DDX31: variants seen among roughly 807,000 people sequenced by gnomAD.
The protein encoded by DDX31 is ATP-dependent DNA helicase DDX31.
DDX31 carries 70 observed loss-of-function variants against 91.3 expected under a neutral mutation model. That is an observed-to-expected ratio of 0.77 (90% confidence interval 0.63 to 0.94). The LOEUF (loss-of-function observed/expected upper bound fraction) is 0.94, where lower values mean the gene tolerates loss of function less well. Among genes scored for constraint, DDX31 ranks in the 40% least tolerant of loss-of-function variants. DDX31 has a pLI of 0.00. For missense variants in DDX31, 902 were observed against 925.0 expected (o/e 0.98, Z 0.32); for synonymous variants, 362 against 350.6 (o/e 1.03, Z -0.36).
intron 1 of DDX31, among the ~76,000 whole-genome samples, chr9:132,666,149 C>A (rs1415405806): frequency 6.6e-6 from 1 of 152,126 alleles, no homozygotes; most frequent in African/African-American, 2.4e-5. Context: ...CCAATTGTTC[C>A]AGTGCCACTT....
In DDX31 at chr9:132,595,039, T is replaced by A; in HGVS notation, c.2068A>T (p.Met690Leu). ...EILRSEYSSG[M>L]EADIAKVKKQ... ...TTGACCTTGGCGATGTCGGCCTCCATGCCGCTTGAGTATTCCGAACGTAGG... is the reference window on the plus strand; with the variant it reads ...TTGACCTTGGCGATGTCGGCCTCCAAGCCGCTTGAGTATTCCGAACGTAGG... Residue 690 changes from methionine to leucine, a missense_variant, in exon 20 of 20, where the codon ATG becomes TTG. Met to Leu is a conservative substitution (Grantham distance 15). Transcript: ENST00000372159. This position sits in a 1 kb window ranked among gnomAD's most constrained non-coding sequence, Gnocchi z 4.6. 3 of 1,614,254 alleles carry A rather than the reference T, an allele frequency of 1.9e-6. No individual in the cohort carries two copies. The highest frequency in any genetic ancestry group is 2.2e-5 in the South Asian group (2 of 91,088).
At chr9:132,646,710 T>C in intron 12 of DDX31, 113 bp downstream of exon 12, 1 of 970,372 alleles carries the variant, frequency 1.0e-6, no homozygotes, top group Non-Finnish European at 1.6e-6. Context: ...AATGCAGACA[T>C]AAGTTGGAAA....
In DDX31 at chr9:132,669,972, G is replaced by A. The variant is rs759104246; in HGVS notation, c.-38C>T. 1.9e-6 allele frequency: 3 copies of A among 1,577,128 alleles called. No homozygotes were observed. Among genetic ancestry groups the A allele is most frequent in the East Asian group, 2.3e-5 (1 of 42,676 alleles). ...TGACGCGTGGTGCAGCAGCGAGCCCGGTGCGCAGACTGCTGGGCCCGGGAC... is the reference window on the plus strand; with the variant it reads ...TGACGCGTGGTGCAGCAGCGAGCCCAGTGCGCAGACTGCTGGGCCCGGGAC... On this transcript the variant is annotated 5_prime_UTR_variant, in exon 1 of 20. Transcript: ENST00000372159.
At chr9:132,597,300 C>T (rs957363999) in intron 19 of DDX31, among the ~76,000 whole-genome samples, 1 of 152,078 alleles carries the variant, frequency 6.6e-6, no homozygotes, top group Admixed American at 6.6e-5. Context: ...TGGGAAGTGG[C>T]GGGAGACAGG....
At chr9:132,619,620 A>G (rs1387936763) in intron 17 of DDX31, among the ~76,000 whole-genome samples, 2 of 152,210 alleles carry the variant, frequency 1.3e-5, no homozygotes, top group Admixed American at 1.3e-4. Flanking sequence ...TAGTTTAGTC[A>G]AATCATTCCT....
chr9:132,630,392 T>C lies in DDX31; in HGVS notation c.1503A>G (p.Pro501=). Residue 501 remains proline (P), a synonymous_variant, in exon 16 of 20, where the codon CCA becomes CCG. Coordinates refer to ENST00000372159, the MANE Select transcript of DDX31 (RefSeq NM_022779.9). ...GGTGGATGTATTCTGCAGGTGAAGA[T>C]GGAGCGTTGTACTAAAAAGGGTAAC... ...QVTWIVQYNA[P]SSPAEYIHRI... The C allele has an allele frequency of 6.3e-7, 1 of 1,593,226 alleles. No homozygotes were observed. The highest frequency in any genetic ancestry group is 8.6e-7 in the Non-Finnish European group (1 of 1,163,336).
intron 18 of DDX31, 177 bp from the exon 19 acceptor site, chr9:132,612,432 C>A: frequency 4.3e-5 from 27 of 623,254 alleles, no homozygotes; most frequent in East Asian, 6.3e-5. Context: ...TCTTCAATTC[C>A]TAAACAACAA....
intron 19 of DDX31, among the ~76,000 whole-genome samples, chr9:132,597,231 G>A (rs1039181640): frequency 1.3e-5 from 2 of 152,162 alleles, no homozygotes; most frequent in Non-Finnish European, 2.9e-5. Flanking sequence ...CGCCCAGTGC[G>A]GACCATGTGC....
chr9:132,660,029 T>TA (rs1431281596), intron 4 of DDX31, among the ~76,000 whole-genome samples: 20 of 152,154 alleles, frequency 1.3e-4, no homozygotes, highest in Admixed American at 1.3e-3. Flanking sequence ...TCTATTAAAC[T>TA]AATTCTTTTA....
At chr9:132,610,463 C>A (rs1284762488) in intron 19 of DDX31, among the ~76,000 whole-genome samples, 1 of 152,110 alleles carries the variant, frequency 6.6e-6, no homozygotes, top group African/African-American at 2.4e-5. Context: ...TTAAAAATTC[C>A]AAAACTGGGA....
chr9:132,634,585 G>GTTTT (rs59296842), intron 14 of DDX31, among the ~76,000 whole-genome samples: 1,378 of 103,022 alleles, frequency 0.013, 31 homozygotes, highest in East Asian at 0.026. Context: ...TACCTAAGAT[G>GTTTT]TTTTTTTTTT....
At chr9:132,621,864 G>C (rs932007230) in intron 17 of DDX31, among the ~76,000 whole-genome samples, 1 of 151,896 alleles carries the variant, frequency 6.6e-6, no homozygotes, top group South Asian at 2.1e-4. Flanking sequence ...TTTTTCCTCT[G>C]AATTCAAGTT....
intron 18 of DDX31, 87 bp downstream of exon 18, chr9:132,618,243 C>T (rs938247214): frequency 8.7e-7 from 1 of 1,148,854 alleles, no homozygotes; most frequent in Non-Finnish European, 1.2e-6. Context: ...GTTGGCCTCT[C>T]AACCGGTTTG....
chr9:132,628,986 C>T (rs77330394), intron 16 of DDX31, among the ~76,000 whole-genome samples: 7,235 of 152,310 alleles, frequency 0.048, 243 homozygotes, highest in South Asian at 0.077. Context: ...AAACTGGCTG[C>T]GCCAGCGGGC....
At chr9:132,635,506 C>CTGGA (rs1165054690) in intron 14 of DDX31, among the ~76,000 whole-genome samples, 3 of 141,352 alleles carry the variant, frequency 2.1e-5, no homozygotes, top group African/African-American at 8.0e-5. Context: ...GTCGCCCAGG[C>CTGGA]TGGAGTGCAG....
chr9:132,604,359 A>T (rs1830889869), intron 19 of DDX31, among the ~76,000 whole-genome samples: 1 of 152,162 alleles, frequency 6.6e-6, no homozygotes, highest in Admixed American at 6.5e-5. Flanking sequence ...TAAAGACACG[A>T]TCCAGCATGG....
intron 18 of DDX31, among the ~76,000 whole-genome samples, chr9:132,614,875 C>G (rs899418778): frequency 6.6e-6 from 1 of 152,164 alleles, no homozygotes; most frequent in African/African-American, 2.4e-5. Flanking sequence ...TCACCGGGGA[C>G]AGCGACAGTT....
chr9:132,656,946 G>T (rs1194672622), intron 6 of DDX31, among the ~76,000 whole-genome samples: 1 of 151,998 alleles, frequency 6.6e-6, no homozygotes, highest in Non-Finnish European at 1.5e-5. Context: ...ACTTAATAGG[G>T]GGAAAAAAAT....
At chr9:132,604,498 G>C (rs969541824) in intron 19 of DDX31, among the ~76,000 whole-genome samples, 1 of 152,054 alleles carries the variant, frequency 6.6e-6, no homozygotes, top group Non-Finnish European at 1.5e-5. Flanking sequence ...TTTAAACTAC[G>C]GATATATTCA....
Sources: gnomAD v4.1 joint callset for allele counts (sites outside exome capture counted in the v4.1 genomes callset) on GRCh38, gnomAD v4.1.1 for gene constraint, Gnocchi (gnomAD v3.1) non-coding constraint, MANE v1.5 for transcripts, NCBI Gene and HGNC (gene_info 2026-07-23, HGNC 2026-07-21) for gene names.